GAD2: variants seen among roughly 807,000 people sequenced by gnomAD.
GAD2 encodes the protein glutamate decarboxylase 2, also known as 65 kDa glutamic acid decarboxylase.
In GAD2, 22 loss-of-function variants were observed where a neutral mutation model predicts 80.1. The ratio of observed to expected loss-of-function variants is 0.27; its 90% CI spans 0.20 to 0.39. The LOEUF is 0.39. GAD2 is among the 10% of genes least tolerant of loss of function. GAD2 has a pLI of 1.00. For synonymous variants in GAD2, 274 were observed against 256.9 expected, an observed-to-expected ratio of 1.07 and a Z score of -0.64; for missense variants, 624 against 738.4, an observed-to-expected ratio of 0.85 and a Z score of 1.80.
chr10:26,282,735 G>A (rs1845285024), intron 12 of GAD2, among the ~76,000 whole-genome samples: 1 of 152,164 alleles, frequency 6.6e-6, no homozygotes, highest in Non-Finnish European at 1.5e-5. Context: ...GGGATTGCTG[G>A]GTCAAAGAGT....
intron 6 of GAD2, among the ~76,000 whole-genome samples, chr10:26,228,007 G>T (rs1328535488): frequency 6.6e-6 from 1 of 152,206 alleles, no homozygotes; most frequent in Non-Finnish European, 1.5e-5. Context: ...AAGAGACAAA[G>T]GTCATACCCC....
intron 7 of GAD2, among the ~76,000 whole-genome samples, chr10:26,234,594 G>A (rs73594331): frequency 0.061 from 9,276 of 152,248 alleles, 958 homozygotes; most frequent in African/African-American, 0.21. Flanking sequence ...AGGTTGAAAT[G>A]TTTGGTTTTA....
intron 7 of GAD2, among the ~76,000 whole-genome samples, chr10:26,240,291 C>T (rs959475086): frequency 5.3e-5 from 8 of 152,200 alleles, no homozygotes; most frequent in South Asian, 2.1e-4. Context: ...CAGCCTGATA[C>T]GCTCCTTCTC....
chr10:26,274,516 C>T (rs1163718931), intron 11 of GAD2, among the ~76,000 whole-genome samples: 1 of 152,234 alleles, frequency 6.6e-6, no homozygotes, highest in Non-Finnish European at 1.5e-5. Flanking sequence ...AGCCTGAATT[C>T]ATCAGAGGCT....
At chr10:26,263,942 C>T (rs138700756) in intron 8 of GAD2, among the ~76,000 whole-genome samples, 16 of 152,126 alleles carry the variant, frequency 1.1e-4, no homozygotes, top group South Asian at 4.1e-4. Flanking sequence ...TTTGTTAAGT[C>T]GGGGTAGTTG....
chr10:26,257,053 TATC>T (rs1474034066), intron 8 of GAD2, among the ~76,000 whole-genome samples: 1 of 152,188 alleles, frequency 6.6e-6, no homozygotes, highest in Non-Finnish European at 1.5e-5. Context: ...TCTCATTTAT[TATC>T]AGTATGGACT....
chr10:26,282,186 G>A (rs973050545), intron 12 of GAD2, among the ~76,000 whole-genome samples: 7 of 152,060 alleles, frequency 4.6e-5, no homozygotes, highest in Admixed American at 3.3e-4. Flanking sequence ...CAAGTGATCC[G>A]CCCACCTCAG....
At chr10:26,298,191 A>G (rs542909196) in intron 15 of GAD2, among the ~76,000 whole-genome samples, 1 of 152,314 alleles carries the variant, frequency 6.6e-6, no homozygotes, top group South Asian at 2.1e-4. Flanking sequence ...TTCAATCATT[A>G]GGAATTTAGT....
intron 10 of GAD2, among the ~76,000 whole-genome samples, chr10:26,271,821 G>A (rs370919344): frequency 3.3e-4 from 50 of 152,036 alleles, no homozygotes; most frequent in African/African-American, 1.1e-3. Context: ...GTGCAGTGGC[G>A]TGATCTTAGC....
At position 26,287,339 on chromosome 10, in the gene GAD2, G is replaced by C. The variant is rs142677669; in HGVS notation, c.1386+845G>C. Among the ~76,000 whole-genome samples, 999 of 152,266 alleles carry C rather than the reference G, an allele frequency of 6.6e-3. 29 individuals are homozygous for C. The highest frequency in any genetic ancestry group is 0.031 in the East Asian group (163 of 5,182). On this transcript the variant is annotated intron_variant, in intron 13 of 15. Coordinates refer to ENST00000376261, the MANE Select transcript of GAD2 (RefSeq NM_001134366.2). ...AAACCTGACATAAGAAAGTGAGAAAGGGGGCGATTAAAGGTGTCAACCTTA... is the reference window on the plus strand; with the variant it reads ...AAACCTGACATAAGAAAGTGAGAAACGGGGCGATTAAAGGTGTCAACCTTA...
rs1187369636 is a variant in GAD2, at chr10:26,303,816, C to T, written c.*2855C>T. On this transcript the variant is annotated 3_prime_UTR_variant, in exon 16 of 16. Transcript: ENST00000376261. ...TATTATCTGGATAATACTGTCTTGT[C>T]ACCTCAGATTGGGGTTGTGCACTTT... 2 of 152,196 alleles carry T rather than the reference C, an allele frequency of 1.3e-5. No individual in the cohort carries two copies. Among genetic ancestry groups the T allele is most frequent in the Non-Finnish European group, 1.5e-5 (1 of 68,052 alleles). The allele number at this position is 152,196 out of a possible 1,614,324, so 9.4% of individuals were successfully genotyped here. A position where few individuals can be genotyped will look rare whatever the true frequency, so the allele number is the denominator to read the frequency against.
At chr10:26,272,040 A>C (rs1007161492) in intron 10 of GAD2, among the ~76,000 whole-genome samples, 1 of 152,212 alleles carries the variant, frequency 6.6e-6, no homozygotes, top group African/African-American at 2.4e-5. Flanking sequence ...GATTACAGGC[A>C]GGAGCCACCA....
rs1055539801 is a variant in GAD2 at position 26,302,602 on chromosome 10, A to C, written c.*1641A>C. The C allele has an allele frequency of 6.6e-6, 1 of 152,232 alleles. No homozygotes were observed. Among genetic ancestry groups the C allele is most frequent in the Non-Finnish European group, 1.5e-5 (1 of 68,030 alleles). The allele number at this position is 152,232 out of a possible 1,614,324, so 9.4% of individuals were successfully genotyped here. ...CCAGGTAGTTCAGTACTCAGACTGC[A>C]GGTATACAAGGGAAGAGAGAAGGCC... On this transcript the variant is annotated 3_prime_UTR_variant, in exon 16 of 16. Coordinates refer to ENST00000376261, the MANE Select transcript of GAD2 (RefSeq NM_001134366.2).
Position 26,219,287 on chromosome 10 carries a change from A to C in GAD2, c.520+11A>C. 3.0e-4 allele frequency: 433 copies of C among 1,437,978 alleles called. No individual in the cohort carries two copies. Among genetic ancestry groups the C allele is most frequent in the Non-Finnish European group, 3.8e-4 (395 of 1,046,332 alleles). 89.1% of individuals were successfully genotyped at this position (1,437,978 alleles called of 1,614,324 possible). A position where few individuals can be genotyped will look rare whatever the true frequency, so the allele number is the denominator to read the frequency against. Reference sequence around the variant, plus strand: ...ATGCAATTAAAACAGGTATTGTCTCATCGAAAATAATAAAGCTCTTTTTTC... The same window carrying C: ...ATGCAATTAAAACAGGTATTGTCTCCTCGAAAATAATAAAGCTCTTTTTTC... On this transcript the variant is annotated intron_variant, in intron 4 of 15. Transcript: ENST00000376261.
intron 13 of GAD2, among the ~76,000 whole-genome samples, chr10:26,287,961 G>A (rs1834165928): frequency 6.6e-6 from 1 of 152,200 alleles, no homozygotes; most frequent in South Asian, 2.1e-4. Flanking sequence ...ACCAGGATAA[G>A]ACCAGTGAAT....
intron 15 of GAD2, among the ~76,000 whole-genome samples, chr10:26,295,550 T>TCACACACACACACA (rs1834265538): frequency 1.2e-5 from 1 of 82,664 alleles, no homozygotes; most frequent in Non-Finnish European, 2.3e-5. Context: ...ACACACACAG[T>TCACACACACACACA]CCCAGAGGGA....
intron 15 of GAD2, among the ~76,000 whole-genome samples, chr10:26,298,704 A>G (rs1406311807): frequency 1.3e-5 from 2 of 152,210 alleles, no homozygotes; most frequent in Non-Finnish European, 2.9e-5. Context: ...TATTATACAA[A>G]TAAAACTAAG....
chr10:26,281,679 T>C (rs1188142863), intron 12 of GAD2, among the ~76,000 whole-genome samples: 1 of 152,196 alleles, frequency 6.6e-6, no homozygotes, highest in Non-Finnish European at 1.5e-5. Context: ...AGCACTTTCA[T>C]GAATGAAACC....
intron 8 of GAD2, among the ~76,000 whole-genome samples, chr10:26,253,491 A>G (rs1310902829): frequency 2.6e-5 from 4 of 152,264 alleles, no homozygotes; most frequent in Non-Finnish European, 5.9e-5. Flanking sequence ...AAACAGAGCA[A>G]TATTTCAGAA....
Sources: allele counts gnomAD v4.1 joint callset (sites outside exome capture counted in the v4.1 genomes callset), GRCh38; gene constraint gnomAD v4.1.1; transcripts MANE v1.5; gene names NCBI Gene and HGNC (gene_info 2026-07-23, HGNC 2026-07-21).